The following PHF21A variants were observed in gnomAD, a reference collection of about 807,000 sequenced individuals.
PHF21A encodes the protein BHC80a.
A neutral mutation model predicts 82.5 loss-of-function variants in PHF21A; 11 were observed. That is an observed-to-expected ratio of 0.13 (90% CI 0.08 to 0.22). The LOEUF is 0.22. Among genes scored for constraint, PHF21A ranks in the 10% least tolerant of loss-of-function variants. The pLI, the probability that PHF21A is intolerant of heterozygous loss-of-function variation, is 1.00. For missense variants in PHF21A, 579 were observed against 837.8 expected (o/e 0.69, Z 3.81); for synonymous variants, 297 against 302.8 (o/e 0.98, Z 0.20).
rs550378146 is a variant in PHF21A at position 46,016,734 on chromosome 11, G to T, written c.154-36768C>A. Reference sequence around the variant, plus strand: ...GAACATGGGGAGACTAGGTCTTGCTGATTTTATAGCCCACTACCTGGAGCT... The same window carrying T: ...GAACATGGGGAGACTAGGTCTTGCTTATTTTATAGCCCACTACCTGGAGCT... On this transcript the variant is annotated intron_variant, in intron 6 of 18. Coordinates refer to ENST00000676320, the MANE Select transcript of PHF21A (RefSeq NM_001352027.3). Among the ~76,000 whole-genome samples the T allele has an allele frequency of 1.3e-4, 20 of 152,006 alleles. 1 individual carries two copies. The South Asian group carries it at 4.0e-3, about 30-fold the overall frequency.
At chr11:46,048,935 C>T (rs2096300421) in intron 6 of PHF21A, among the ~76,000 whole-genome samples, 1 of 152,154 alleles carries the variant, frequency 6.6e-6, no homozygotes. Context: ...TAACATTTTA[C>T]ATTCCCACCA....
At chr11:46,020,649 C>T (rs544531480) in intron 6 of PHF21A, among the ~76,000 whole-genome samples, 83 of 152,162 alleles carry the variant, frequency 5.5e-4, no homozygotes, top group Non-Finnish European at 1.0e-3. Context: ...GAACATGACC[C>T]AGAGTTCTCT....
chr11:45,976,597 T>C (rs1050515001), intron 7 of PHF21A, among the ~76,000 whole-genome samples: 1 of 152,180 alleles, frequency 6.6e-6, no homozygotes, highest in Non-Finnish European at 1.5e-5. Context: ...ATCCCAACAC[T>C]GTGGGAGACC....
At chr11:46,036,849 T>C (rs1484302059) in intron 6 of PHF21A, among the ~76,000 whole-genome samples, 3 of 152,152 alleles carry the variant, frequency 2.0e-5, no homozygotes, top group African/African-American at 7.2e-5. Flanking sequence ...TATACATCTG[T>C]TGTTTAAATA....
intron 9 of PHF21A, among the ~76,000 whole-genome samples, chr11:45,965,825 A>T (rs946383664): frequency 3.5e-4 from 53 of 152,248 alleles, no homozygotes; most frequent in African/African-American, 1.3e-3. Context: ...TTTTGATTCT[A>T]AACCCTGAGC....
intron 6 of PHF21A, among the ~76,000 whole-genome samples, chr11:46,003,605 A>G (rs1046531459): frequency 6.6e-6 from 1 of 152,178 alleles, no homozygotes; most frequent in Non-Finnish European, 1.5e-5. Context: ...TACAATTCTC[A>G]CTAGGATGAT....
At chr11:45,934,828 C>T (rs979582047) in intron 18 of PHF21A, 10 of 352,708 alleles carry the variant, frequency 2.8e-5, no homozygotes, top group African/African-American at 2.1e-4. Flanking sequence ...CCTCAGCTTC[C>T]CACACCTGCT....
intron 6 of PHF21A, 42 bp downstream of exon 6, chr11:46,076,712 A>G (rs755983333): frequency 1.3e-6 from 2 of 1,505,888 alleles, no homozygotes; most frequent in Non-Finnish European, 1.8e-6. Flanking sequence ...ATATCTTTAG[A>G]ACACAACGTT....
chr11:46,028,794 G>A (rs1317109368), intron 6 of PHF21A, among the ~76,000 whole-genome samples: 1 of 151,638 alleles, frequency 6.6e-6, no homozygotes, highest in Non-Finnish European at 1.5e-5. Context: ...GGCTAGTTTC[G>A]AACTCCTGAC....
chr11:45,930,934 G>C lies in PHF21A; in HGVS notation c.*3034C>G, dbSNP rs900032200. The stretch of plus-strand genomic sequence containing the variant: ...CCCCCCCTCCCCGCCCAGGTCTGAG[G>C]GGACAGTGAAGGACAGGGAGATTGG... On this transcript the variant is annotated 3_prime_UTR_variant, in exon 19 of 19. Transcript: ENST00000676320. 2.6e-5 allele frequency: 4 copies of C among 151,456 alleles called. No individual in the cohort carries two copies. Among genetic ancestry groups the C allele is most frequent in the African/African-American group, 9.8e-5 (4 of 40,974 alleles). The allele number at this position is 151,456 out of a possible 1,614,324, so 9.4% of individuals were successfully genotyped here.
intron 6 of PHF21A, chr11:46,027,103 A>T (rs1341963802): frequency 1.3e-5 from 2 of 152,204 alleles, no homozygotes; most frequent in African/African-American, 4.8e-5. Flanking sequence ...CAGCACAGCA[A>T]TCTAGCAACG....
At chr11:45,956,713 C>T (rs1229222009) in intron 10 of PHF21A, among the ~76,000 whole-genome samples, 3 of 151,808 alleles carry the variant, frequency 2.0e-5, no homozygotes, top group African/African-American at 7.3e-5. Context: ...GAAAATGACA[C>T]ACTAAGAAAA....
At chr11:46,107,980 C>T (rs1038846848) in intron 1 of PHF21A, among the ~76,000 whole-genome samples, 2 of 152,096 alleles carry the variant, frequency 1.3e-5, no homozygotes, top group South Asian at 2.1e-4. Context: ...AAGACCAGGA[C>T]TAATTCCTAT....
chr11:45,972,772 G>A (rs1315704773), intron 7 of PHF21A, among the ~76,000 whole-genome samples: 3 of 152,246 alleles, frequency 2.0e-5, no homozygotes, highest in African/African-American at 7.2e-5. Flanking sequence ...AAATCAGCCA[G>A]GCCTGGTGGC....
chr11:45,990,250 CTTTTT>C (rs201187984), intron 6 of PHF21A, among the ~76,000 whole-genome samples: 9 of 56,278 alleles, frequency 1.6e-4, no homozygotes, highest in Non-Finnish European at 3.4e-4. Flanking sequence ...TTTTCATCTT[CTTTTT>C]TTTTTTTTTT....
intron 10 of PHF21A, among the ~76,000 whole-genome samples, chr11:45,954,814 T>C (rs1272144592): frequency 6.6e-6 from 1 of 152,144 alleles, no homozygotes; most frequent in Non-Finnish European, 1.5e-5. Context: ...ATTAAATAAG[T>C]GAGAATAAAA....
chr11:46,005,537 T>C (rs2095274925), intron 6 of PHF21A, among the ~76,000 whole-genome samples: 1 of 152,212 alleles, frequency 6.6e-6, no homozygotes, highest in South Asian at 2.1e-4. Flanking sequence ...TGTTCTGACT[T>C]ATAAAACAGG....
Position 45,933,825 on chromosome 11 carries a change from G to T in PHF21A, c.*143C>A. ...AATTGGCAAACTCTGGTGCCACCTG[G>T]CACAAGCATCTTCTCTCTCTCTGGA... On this transcript the variant is annotated 3_prime_UTR_variant, in exon 19 of 19. Coordinates refer to ENST00000676320, the MANE Select transcript of PHF21A (RefSeq NM_001352027.3). 1 of 737,418 alleles carries T rather than the reference G, an allele frequency of 1.4e-6. No individual in the cohort carries two copies. The allele number at this position is 737,418 out of a possible 1,614,324, so 45.7% of individuals were successfully genotyped here.
In PHF21A at chr11:45,953,632, G is replaced by A; in HGVS notation, c.997-7C>T. On this transcript the variant is annotated splice_region_variant and splice_polypyrimidine_tract_variant and intron_variant, in intron 10 of 18. Coordinates refer to ENST00000676320, the MANE Select transcript of PHF21A (RefSeq NM_001352027.3). The stretch of plus-strand genomic sequence containing the variant: ...CTGTGTGAGATTTAACTGTCTAGGA[G>A]AGAAAAATTAAATAAAAATTCAGAA... 1 of 1,585,906 alleles carries A rather than the reference G, an allele frequency of 6.3e-7. No individual in the cohort carries two copies. Among genetic ancestry groups the A allele is most frequent in the Non-Finnish European group, 8.7e-7 (1 of 1,155,766 alleles).
Sources: gnomAD v4.1 joint callset for allele counts (sites outside exome capture counted in the v4.1 genomes callset) on GRCh38, gnomAD v4.1.1 for gene constraint, MANE v1.5 for transcripts, NCBI Gene and HGNC (gene_info 2026-07-23, HGNC 2026-07-21) for gene names.